The following MFSD2A variants were observed in gnomAD, a reference collection of about 807,000 sequenced individuals.
MFSD2A encodes the protein MFSD2 lysolipid transporter A, lysophospholipid.
In MFSD2A, 27 loss-of-function variants were observed where a neutral mutation model predicts 64.7. That is an observed-to-expected ratio of 0.42 (90% confidence interval 0.31 to 0.58). MFSD2A has a LOEUF of 0.58. MFSD2A is among the 20% of genes least tolerant of loss of function. The pLI, the probability that MFSD2A is intolerant of heterozygous loss-of-function variation, is 0.18. For synonymous variants in MFSD2A, 258 were observed against 273.4 expected (o/e 0.94, Z 0.55); for missense variants, 474 against 679.5 (o/e 0.70, Z 3.36).
Position 39,967,622 on chromosome 1 carries a change from C to T in MFSD2A, c.1012-6C>T, listed in dbSNP as rs1557639701. The T allele has an allele frequency of 1.2e-6, 2 of 1,614,002 alleles. No individual in the cohort carries two copies. The highest frequency in any genetic ancestry group is 1.7e-6 in the Non-Finnish European group (2 of 1,179,940). On this transcript the variant is annotated splice_polypyrimidine_tract_variant and splice_region_variant and intron_variant, in intron 9 of 13. Coordinates refer to ENST00000372811, the MANE Select transcript of MFSD2A (RefSeq NM_032793.5). ...CCTCCCTTTAACCCCCTTTGTCCAT[C>T]CACAGCTCTCGGCCACTTTAACCAT...
At position 39,965,131 on chromosome 1, in the gene MFSD2A, C is replaced by A; in HGVS notation, c.354-80C>A. 1 of 1,583,958 alleles carries A rather than the reference C, an allele frequency of 6.3e-7. No homozygotes were observed. The highest frequency in any genetic ancestry group is 8.6e-7 in the Non-Finnish European group (1 of 1,161,228). ...CTTAGCTTCCTTCCCTGTGGGGACC[C>A]TGTGAGGCACAGCAGACTGGGCTGG... On this transcript the variant is annotated intron_variant, in intron 3 of 13. Transcript: ENST00000372811. This position sits in a 1 kb window ranked among gnomAD's most constrained non-coding sequence, Gnocchi z 5.5.
rs545444621 is a variant in MFSD2A, at chr1:39,966,069, T to C, written c.714+55T>C. 3.1e-6 allele frequency: 5 copies of C among 1,594,094 alleles called. No individual in the cohort carries two copies. The South Asian group carries it at 5.5e-5, about 18-fold the overall frequency. On this transcript the variant is annotated intron_variant, in intron 6 of 13. Coordinates refer to ENST00000372811, the MANE Select transcript of MFSD2A (RefSeq NM_032793.5). ...GGAGATAAGGAACAGTGAGGTGGTTTGTAGTCATCCTAAAGATAGTAACAG... is the reference window on the plus strand; with the variant it reads ...GGAGATAAGGAACAGTGAGGTGGTTCGTAGTCATCCTAAAGATAGTAACAG...
intron 3 of MFSD2A, chr1:39,962,983 A>C: frequency 2.0e-6 from 3 of 1,529,642 alleles, no homozygotes; most frequent in Non-Finnish European, 2.7e-6. Flanking sequence ...TGCTCCAAGG[A>C]GGTGGCCACC....
intron 2 of MFSD2A, among the ~76,000 whole-genome samples, chr1:39,957,547 G>A (rs1038436411): frequency 4.6e-5 from 7 of 152,214 alleles, no homozygotes; most frequent in Admixed American, 2.0e-4. Flanking sequence ...CTGGCACACT[G>A]TGTTCCTGGC....
chr1:39,968,303 C>T lies in MFSD2A; in HGVS notation c.1209-31C>T. ...TAACACAGAGGCCCGTTAGGTGGGT[C>T]AGTCCTCATGGCTGTCACTACTCTG... On this transcript the variant is annotated intron_variant, in intron 11 of 13. Coordinates refer to ENST00000372811, the MANE Select transcript of MFSD2A (RefSeq NM_032793.5). The surrounding 1 kb of genome is among the most constrained non-coding windows in gnomAD (Gnocchi z 4.4). The T allele has an allele frequency of 6.2e-7, 1 of 1,613,954 alleles. No individual in the cohort carries two copies. Among genetic ancestry groups the T allele is most frequent in the Non-Finnish European group, 8.5e-7 (1 of 1,179,960 alleles).
In MFSD2A at chr1:39,955,171, G is replaced by T; in HGVS notation, c.-122G>T. 1 of 738,596 alleles carries T rather than the reference G, an allele frequency of 1.4e-6. No individual in the cohort carries two copies. Among genetic ancestry groups the T allele is most frequent in the Non-Finnish European group, 1.9e-6 (1 of 523,896 alleles). 45.8% of individuals were successfully genotyped at this position (738,596 alleles called of 1,614,324 possible). A position where few individuals can be genotyped will look rare whatever the true frequency, so the allele number is the denominator to read the frequency against. ...GAGTGCGTTCCTCGTCTGCCAGCCG[G>T]CTTGGCTAGCGCGCGGCGGCCGTGG... On this transcript the variant is annotated 5_prime_UTR_variant, in exon 1 of 14. Transcript: ENST00000372811. The surrounding 1 kb of genome is among the most constrained non-coding windows in gnomAD (Gnocchi z 5.9).
At position 39,965,242 on chromosome 1, in the gene MFSD2A, GCCTACTT is replaced by G. The variant is rs1408636314; in HGVS notation, c.389_395del (p.Tyr130SerfsTer56). The G allele has an allele frequency of 6.2e-7, 1 of 1,614,116 alleles. No homozygotes were observed. Among genetic ancestry groups the G allele is most frequent in the South Asian group, 1.1e-5 (1 of 91,084 alleles). On this transcript the variant is annotated frameshift_variant, in exon 4 of 14. Coordinates refer to ENST00000372811, the MANE Select transcript of MFSD2A (RefSeq NM_032793.5). LOFTEE classifies it high-confidence loss of function. The surrounding 1 kb of genome is among the most constrained non-coding windows in gnomAD (Gnocchi z 5.5). Reference sequence around the variant, plus strand: ...CTTCTCCACGCCCCTGGCCGTCATTGCCTACTTCCTCATCTGGTTCGTGCCCGACTTC... The same window carrying G: ...CTTCTCCACGCCCCTGGCCGTCATTGCCTCATCTGGTTCGTGCCCGACTTC...
Position 39,968,795 on chromosome 1 carries a change from A to C in MFSD2A, c.1529+50A>C. On this transcript the variant is annotated intron_variant, in intron 13 of 13. Transcript: ENST00000372811. This position sits in a 1 kb window ranked among gnomAD's most constrained non-coding sequence, Gnocchi z 4.4. ...TGGAGGAGGGGACGTCACTGTGTCT[A>C]AACCCTCAATTTGTGTCTCCTGTGG... 1 of 1,599,904 alleles carries C rather than the reference A, an allele frequency of 6.3e-7. No homozygotes were observed. Among genetic ancestry groups the C allele is most frequent in the Non-Finnish European group, 8.5e-7 (1 of 1,172,482 alleles).
rs754789699 is a variant in MFSD2A at position 39,958,866 on chromosome 1, C to T, written c.353+41C>T. 2.6e-6 allele frequency: 4 copies of T among 1,543,506 alleles called. No individual in the cohort carries two copies. Among genetic ancestry groups the T allele is most frequent in the Admixed American group, 4.0e-5 (2 of 50,530 alleles). ...CCCTTCGAGGTGGCACAAGGCAGGA[C>T]TTCCAGCATATCTGCTCCTTGGTCC... On this transcript the variant is annotated intron_variant, in intron 3 of 13. Coordinates refer to ENST00000372811, the MANE Select transcript of MFSD2A (RefSeq NM_032793.5). The surrounding 1 kb of genome is among the most constrained non-coding windows in gnomAD (Gnocchi z 4.7).
chr1:39,965,724 C>T lies in MFSD2A; in HGVS notation c.557-133C>T, dbSNP rs1557637155. The T allele has an allele frequency of 2.3e-6, 3 of 1,288,820 alleles. No homozygotes were observed. Among genetic ancestry groups the T allele is most frequent in the South Asian group, 2.7e-5 (2 of 74,068 alleles). The allele number at this position is 1,288,820 out of a possible 1,614,324, so 79.8% of individuals were successfully genotyped here. ...CTGGAGAGGTGCATATGCGTTCAAACCAAGGTGTCACCTACCCCACTACCT... is the reference window on the plus strand; with the variant it reads ...CTGGAGAGGTGCATATGCGTTCAAATCAAGGTGTCACCTACCCCACTACCT... On this transcript the variant is annotated intron_variant, in intron 5 of 13. Coordinates refer to ENST00000372811, the MANE Select transcript of MFSD2A (RefSeq NM_032793.5). This position sits in a 1 kb window ranked among gnomAD's most constrained non-coding sequence, Gnocchi z 5.5.
At position 39,958,770 on chromosome 1, in the gene MFSD2A, G is replaced by A. The variant is rs748950609; in HGVS notation, c.298G>A (p.Val100Met). ...RAWDAITDPLVGLCISKSPWT... is the reference protein window; with the variant it reads ...RAWDAITDPLMGLCISKSPWT... ...CTGGGATGCCATCACAGACCCCCTG[G>A]TGGGCCTCTGCATCAGCAAATCCCC... Residue 100 changes from valine (V) to methionine (M), a missense_variant, in exon 3 of 14, where the codon GTG becomes ATG. Physicochemically the swap from Val to Met is conservative, Grantham distance 21. Transcript: ENST00000372811. This position sits in a 1 kb window ranked among gnomAD's most constrained non-coding sequence, Gnocchi z 4.7. 6.2e-7 allele frequency: 1 copy of A among 1,613,996 alleles called. No individual in the cohort carries two copies. Among genetic ancestry groups the A allele is most frequent in the Non-Finnish European group, 8.5e-7 (1 of 1,179,960 alleles).
Position 39,969,593 on chromosome 1 carries a change from C to T in MFSD2A, c.*25C>T. ...GGGCCCGCCACGTTGCCCGAAGCCA[C>T]CATGCAGAAGGCCACAGAAGGGATC... On this transcript the variant is annotated 3_prime_UTR_variant, in exon 14 of 14. Coordinates refer to ENST00000372811, the MANE Select transcript of MFSD2A (RefSeq NM_032793.5). The T allele has an allele frequency of 6.2e-7, 1 of 1,606,600 alleles. No individual in the cohort carries two copies. Among genetic ancestry groups the T allele is most frequent in the Non-Finnish European group, 8.5e-7 (1 of 1,176,326 alleles).
chr1:39,957,630 C>T (rs1282746821), intron 2 of MFSD2A, among the ~76,000 whole-genome samples: 2 of 152,222 alleles, frequency 1.3e-5, no homozygotes, highest in East Asian at 1.9e-4. Flanking sequence ...TGCATCCCAC[C>T]TTTACCTGAG....
rs74067887 is a variant in MFSD2A at position 39,967,277 on chromosome 1, G to T, written c.1011+108G>T. On this transcript the variant is annotated intron_variant, in intron 9 of 13. Transcript: ENST00000372811. ...GTTTCTCAGGCTGGCCCAAGGTCAT[G>T]AAAGGATGAGGGAGGCTTCTCAGGG... 8,694 of 1,005,346 alleles carry T rather than the reference G, an allele frequency of 8.6e-3. 494 individuals carry two copies. The African/African-American group carries it at 0.12, about 14-fold the overall frequency. 62.3% of individuals were successfully genotyped at this position (1,005,346 alleles called of 1,614,324 possible). A position where few individuals can be genotyped will look rare whatever the true frequency, so the allele number is the denominator to read the frequency against.
At chr1:39,962,110 C>A (rs1397991220) in intron 3 of MFSD2A, among the ~76,000 whole-genome samples, 1 of 152,248 alleles carries the variant, frequency 6.6e-6, no homozygotes, top group African/African-American at 2.4e-5. Context: ...AGCCAAGGCA[C>A]CTCCAGTGGC....
In MFSD2A at chr1:39,963,468, A is replaced by C. The variant is rs1645089646; in HGVS notation, c.354-1743A>C. On this transcript the variant is annotated intron_variant, in intron 3 of 13. Transcript: ENST00000372811. The surrounding 1 kb of genome is among the most constrained non-coding windows in gnomAD (Gnocchi z 4.2). ...TAAAAAAAAAATGTTTACGAGACAGAGTCTTGCTATGTTGCACAGGCTGGA... is the reference window on the plus strand; with the variant it reads ...TAAAAAAAAAATGTTTACGAGACAGCGTCTTGCTATGTTGCACAGGCTGGA... 9.4e-6 allele frequency: 5 copies of C among 530,794 alleles called. No homozygotes were observed. In the East Asian group the frequency reaches 1.5e-4, roughly 16 times the overall value. The allele number at this position is 530,794 out of a possible 1,614,324, so 32.9% of individuals were successfully genotyped here. A position where few individuals can be genotyped will look rare whatever the true frequency, so the allele number is the denominator to read the frequency against.
chr1:39,963,623 G>T lies in MFSD2A; in HGVS notation c.354-1588G>T, dbSNP rs779611249. Among the ~76,000 whole-genome samples, 2 of 152,004 alleles carry T rather than the reference G, an allele frequency of 1.3e-5. No individual in the cohort carries two copies. The highest frequency in any genetic ancestry group is 2.9e-5 in the Non-Finnish European group (2 of 67,988). On this transcript the variant is annotated intron_variant, in intron 3 of 13. Coordinates refer to ENST00000372811, the MANE Select transcript of MFSD2A (RefSeq NM_032793.5). The surrounding 1 kb of genome is among the most constrained non-coding windows in gnomAD (Gnocchi z 4.2). Reference sequence around the variant, plus strand: ...AGTGGCATTAAATACATTCACTTTGGTTTTTTTGTTTTTGTTTTTGGTACA... The same window carrying T: ...AGTGGCATTAAATACATTCACTTTGTTTTTTTTGTTTTTGTTTTTGGTACA...
At position 39,965,803 on chromosome 1, in the gene MFSD2A, C is replaced by A. The variant is rs1451861966; in HGVS notation, c.557-54C>A. On this transcript the variant is annotated intron_variant, in intron 5 of 13. Coordinates refer to ENST00000372811, the MANE Select transcript of MFSD2A (RefSeq NM_032793.5). This position sits in a 1 kb window ranked among gnomAD's most constrained non-coding sequence, Gnocchi z 5.5. ...GGCTCCCACCCATTTGACCTTCCTC[C>A]CTGGGCCCACAATCCATGAGGCCCC... is the stretch of plus-strand genomic sequence containing the variant. 6.2e-7 allele frequency: 1 copy of A among 1,604,660 alleles called. No homozygotes were observed. The highest frequency in any genetic ancestry group is 1.7e-5 in the Admixed American group (1 of 59,730).
At position 39,965,625 on chromosome 1, in the gene MFSD2A, C is replaced by T. The variant is rs1225175578; in HGVS notation, c.556+76C>T. 2.1e-6 allele frequency: 3 copies of T among 1,459,030 alleles called. No homozygotes were observed. Among genetic ancestry groups the T allele is most frequent in the Non-Finnish European group, 2.9e-6 (3 of 1,041,200 alleles). 90.4% of individuals were successfully genotyped at this position (1,459,030 alleles called of 1,614,324 possible). A position where few individuals can be genotyped will look rare whatever the true frequency, so the allele number is the denominator to read the frequency against. On this transcript the variant is annotated intron_variant, in intron 5 of 13. Transcript: ENST00000372811. The surrounding 1 kb of genome is among the most constrained non-coding windows in gnomAD (Gnocchi z 5.5). Reference sequence around the variant, plus strand: ...TACTTCTTCCCTTGCGGGTCCAGCTCTTTGCTCTGCTCTAGAGTGTGGGTG... The same window carrying T: ...TACTTCTTCCCTTGCGGGTCCAGCTTTTTGCTCTGCTCTAGAGTGTGGGTG...
Sources: gnomAD v4.1 joint callset for allele counts (sites outside exome capture counted in the v4.1 genomes callset) on GRCh38, gnomAD v4.1.1 for gene constraint, Gnocchi (gnomAD v3.1) non-coding constraint, MANE v1.5 for transcripts, NCBI Gene and HGNC (gene_info 2026-07-23, HGNC 2026-07-21) for gene names.